DPYD: variants seen among roughly 807,000 people sequenced by gnomAD.
DPYD encodes the protein dihydropyrimidine dehydrogenase, also known as dihydropyrimidine dehydrogenase [NADP(+)].
A neutral mutation model predicts 116.2 loss-of-function variants in DPYD; 109 were observed. The ratio of observed to expected loss-of-function variants is 0.94; its 90% CI spans 0.80 to 1.10. The LOEUF is 1.10. Ranked by LOEUF, DPYD falls within the 50% of genes least tolerant of loss-of-function variation. DPYD has a pLI of 0.00. For missense variants in DPYD, 1,302 were observed against 1,254.5 expected (o/e 1.04, Z -0.57); for synonymous variants, 440 against 432.0 (o/e 1.02, Z -0.23).
At chr1:97,544,688 AT>A (rs1426937798) in intron 12 of DPYD, among the ~76,000 whole-genome samples, 1 of 150,784 alleles carries the variant, frequency 6.6e-6, no homozygotes, top group Non-Finnish European at 1.5e-5. Flanking sequence ...AAAAAAAAAC[AT>A]TAAGATTCCT....
intron 16 of DPYD, among the ~76,000 whole-genome samples, chr1:97,372,044 A>G (rs1671336035): frequency 6.6e-6 from 1 of 152,212 alleles, no homozygotes; most frequent in Non-Finnish European, 1.5e-5. Context: ...ATGGCTGAGT[A>G]AATTCAGATG....
At chr1:97,532,148 G>A (rs998148777) in intron 12 of DPYD, among the ~76,000 whole-genome samples, 6 of 152,004 alleles carry the variant, frequency 3.9e-5, no homozygotes, top group African/African-American at 1.4e-4. Flanking sequence ...CCATCATTCT[G>A]TTAATGCGGT....
intron 18 of DPYD, among the ~76,000 whole-genome samples, chr1:97,244,378 C>G (rs1011413423): frequency 6.6e-6 from 1 of 151,944 alleles, no homozygotes; most frequent in Non-Finnish European, 1.5e-5. Context: ...TATGTTTAAA[C>G]AATTACCCGA....
intron 12 of DPYD, among the ~76,000 whole-genome samples, chr1:97,518,275 G>A (rs1185325587): frequency 6.6e-6 from 1 of 151,996 alleles, no homozygotes; most frequent in African/African-American, 2.4e-5. Context: ...GTGCTACTAT[G>A]TATATGTGTT....
chr1:97,783,214 T>G (rs1321286471), intron 3 of DPYD, among the ~76,000 whole-genome samples: 1 of 152,146 alleles, frequency 6.6e-6, no homozygotes, highest in Non-Finnish European at 1.5e-5. Flanking sequence ...ATGCCCTAGT[T>G]GTACAGGAAT....
At chr1:97,243,710 G>C (rs942806967) in intron 18 of DPYD, among the ~76,000 whole-genome samples, 1 of 151,794 alleles carries the variant, frequency 6.6e-6, no homozygotes, top group Non-Finnish European at 1.5e-5. Context: ...TTAATTGTTG[G>C]ATAAAAATTA....
intron 14 of DPYD, among the ~76,000 whole-genome samples, chr1:97,388,709 A>G (rs1310955708): frequency 6.6e-6 from 1 of 152,286 alleles, no homozygotes; most frequent in South Asian, 2.1e-4. Context: ...GAGGCAATAC[A>G]TGAATCTCTC....
chr1:97,620,738 T>C (rs1388759069), intron 8 of DPYD, among the ~76,000 whole-genome samples: 3 of 152,174 alleles, frequency 2.0e-5, no homozygotes, highest in Admixed American at 6.6e-5. Flanking sequence ...TGTCCCAAAA[T>C]GTAAAAGTCC....
At position 97,656,825 on chromosome 1, in the gene DPYD, T is replaced by A. The variant is rs573905184; in HGVS notation, c.850+22270A>T. ...AATGCTTAGGAATTTTTTATTTTTT[T>A]TTTTTTCAAAAGACTGACTGGATCT... On this transcript the variant is annotated intron_variant, in intron 8 of 22. Coordinates refer to ENST00000370192, the MANE Select transcript of DPYD (RefSeq NM_000110.4). Among the ~76,000 whole-genome samples, 950 of 152,112 alleles carry A rather than the reference T, an allele frequency of 6.2e-3. 10 individuals are homozygous for A. The highest frequency in any genetic ancestry group is 0.02 in the African/African-American group (817 of 41,486).
At chr1:97,096,279 A>G (rs1650242138) in intron 21 of DPYD, among the ~76,000 whole-genome samples, 1 of 152,170 alleles carries the variant, frequency 6.6e-6, no homozygotes, top group African/African-American at 2.4e-5. Context: ...TAAGTTATCA[A>G]TATTTAATAT....
Position 97,115,757 on chromosome 1 carries a change from G to A in DPYD, c.2623-17125C>T, listed in dbSNP as rs547985018. Among the ~76,000 whole-genome samples, 12 of 152,146 alleles carry A rather than the reference G, an allele frequency of 7.9e-5. No individual in the cohort carries two copies. The East Asian group carries it at 9.7e-4, about 12-fold the overall frequency. On this transcript the variant is annotated intron_variant, in intron 20 of 22. Coordinates refer to ENST00000370192, the MANE Select transcript of DPYD (RefSeq NM_000110.4). The stretch of plus-strand genomic sequence containing the variant: ...GTTTTTAAAATATGAATCTCAAATC[G>A]TAATTTAGAATGGTAGATATCAAAG...
chr1:97,185,829 A>T (rs74104305), intron 20 of DPYD, among the ~76,000 whole-genome samples: 4,711 of 152,252 alleles, frequency 0.031, 237 homozygotes, highest in African/African-American at 0.11. Context: ...GGAAGATGTA[A>T]TGGCTGGAAA....
chr1:97,502,928 A>G (rs1316274873), intron 13 of DPYD, among the ~76,000 whole-genome samples: 1 of 152,042 alleles, frequency 6.6e-6, no homozygotes, highest in African/African-American at 2.4e-5. Flanking sequence ...GTAATTCAAC[A>G]TGTGGAAGTT....
intron 3 of DPYD, among the ~76,000 whole-genome samples, chr1:97,803,980 C>G (rs1488138782): frequency 5.3e-5 from 8 of 151,748 alleles, no homozygotes. Flanking sequence ...TATTTTGTCA[C>G]TGAAGCAGTG....
At chr1:97,626,699 C>T (rs766414109) in intron 8 of DPYD, among the ~76,000 whole-genome samples, 8 of 152,050 alleles carry the variant, frequency 5.3e-5, no homozygotes, top group Middle Eastern at 3.4e-3. Context: ...GTCTTCCTTC[C>T]GCATTAGCCT....
chr1:97,310,628 G>C lies in DPYD; in HGVS notation c.2059-4331C>G, dbSNP rs775258973. ...CTATTTTTTAGCATGTGTCCTTCTT[G>C]CATCTGTTTTTCTGACTTAAGTATT... On this transcript the variant is annotated intron_variant, in intron 16 of 22. Transcript: ENST00000370192. 2.0e-5 allele frequency among the ~76,000 whole-genome samples: 3 copies of C among 151,750 alleles called. No homozygotes were observed. In the Admixed American group the frequency reaches 2.0e-4, roughly 10 times the overall value.
At chr1:97,425,868 C>T (rs1238229477) in intron 14 of DPYD, among the ~76,000 whole-genome samples, 2 of 151,102 alleles carry the variant, frequency 1.3e-5, no homozygotes, top group South Asian at 4.2e-4. Context: ...ACATATTATA[C>T]ATTTCAGCTT....
In DPYD at chr1:97,580,841, G is replaced by C. The variant is rs72975719; in HGVS notation, c.1129-6871C>G. 4.9e-3 allele frequency among the ~76,000 whole-genome samples: 739 copies of C among 152,192 alleles called. 10 individuals are homozygous for C. Among genetic ancestry groups the C allele is most frequent in the African/African-American group, 0.017 (691 of 41,508 alleles). ...AGCCAACAGGATTAAGCCTTACCTT[G>C]ATGTTTCCTTTCAGTAATATTTTAT... On this transcript the variant is annotated intron_variant, in intron 10 of 22. Transcript: ENST00000370192.
chr1:97,365,970 CTA>C (rs1436288074), intron 16 of DPYD, among the ~76,000 whole-genome samples: 1 of 152,092 alleles, frequency 6.6e-6, no homozygotes, highest in Non-Finnish European at 1.5e-5. Context: ...AATGGTTGGG[CTA>C]CACAAAAACA....
Sources: allele counts gnomAD v4.1 joint callset (sites outside exome capture counted in the v4.1 genomes callset), GRCh38; gene constraint gnomAD v4.1.1; transcripts MANE v1.5; gene names NCBI Gene and HGNC (gene_info 2026-07-23, HGNC 2026-07-21).